Variants in EMC2 observed in about 807,000 individuals in gnomAD.
The protein encoded by EMC2 is TPR repeat protein 35.
EMC2 carries 37 observed loss-of-function variants against 51.6 expected under a neutral mutation model. The observed-to-expected ratio is 0.72, with a 90% CI of 0.55 to 0.94. The LOEUF is 0.94. EMC2 is among the 40% of genes least tolerant of loss of function. The probability of loss-of-function intolerance (pLI) is 0.00; values close to 1 mark genes in which losing one functional copy is unlikely to be tolerated. For missense variants in EMC2, 359 were observed against 350.9 expected (o/e 1.02, Z -0.18); for synonymous variants, 131 against 112.4 (o/e 1.17, Z -1.04).
In EMC2 at chr8:108,453,061, G is replaced by A; in HGVS notation, c.220-1G>A. 4 of 1,579,452 alleles carry A rather than the reference G, an allele frequency of 2.5e-6. No individual in the cohort carries two copies. Among genetic ancestry groups the A allele is most frequent in the Non-Finnish European group, 3.4e-6 (4 of 1,160,918 alleles). On this transcript the variant is annotated splice_acceptor_variant, in intron 3 of 10. Transcript: ENST00000220853. LOFTEE classifies it high-confidence loss of function. ...TTACTACTCAACCCTTATTTTTTCA[G>A]TTTTGTCTTCAAGAGCTGAGAAGAC...
intron 6 of EMC2, 24 bp from the exon 7 acceptor site, chr8:108,470,038 T>C (rs779543482): frequency 3.3e-5 from 53 of 1,599,754 alleles, no homozygotes; most frequent in Non-Finnish European, 3.9e-5. Flanking sequence ...ACACACTTAC[T>C]TTTTTTTCTT....
chr8:108,449,133 G>C (rs1180157334), intron 1 of EMC2, among the ~76,000 whole-genome samples: 1 of 152,086 alleles, frequency 6.6e-6, no homozygotes, highest in Admixed American at 6.5e-5. Context: ...ACCTTTAAGA[G>C]ACAGGGGTCT....
At chr8:108,448,732 A>C (rs1818940004) in intron 1 of EMC2, among the ~76,000 whole-genome samples, 1 of 151,804 alleles carries the variant, frequency 6.6e-6, no homozygotes, top group Non-Finnish European at 1.5e-5. Flanking sequence ...TAATACAACC[A>C]GTTTCTTTTC....
intron 3 of EMC2, among the ~76,000 whole-genome samples, chr8:108,451,523 A>AGT (rs1331229404): frequency 6.6e-6 from 1 of 152,192 alleles, no homozygotes; most frequent in Non-Finnish European, 1.5e-5. Flanking sequence ...AAAAAAATTC[A>AGT]CATCTGAATT....
intron 5 of EMC2, among the ~76,000 whole-genome samples, chr8:108,467,959 G>C (rs1810762079): frequency 6.6e-6 from 1 of 152,190 alleles, no homozygotes; most frequent in South Asian, 2.1e-4. Context: ...TTATATTGAT[G>C]CTTGAAGATA....
chr8:108,486,430 C>T lies in EMC2; in HGVS notation c.808-82C>T, dbSNP rs370491821. 4.3e-4 allele frequency: 619 copies of T among 1,425,752 alleles called. 1 individual carries two copies. The African/African-American group carries it at 8.4e-3, about 19-fold the overall frequency. 88.3% of individuals were successfully genotyped at this position (1,425,752 alleles called of 1,614,324 possible). On this transcript the variant is annotated intron_variant, in intron 10 of 10. Transcript: ENST00000220853. ...TGATAAAATAGTCAATGTTAAGTTTCATTAACAGTGTGAAGATTGTCATTT... is the reference window on the plus strand; with the variant it reads ...TGATAAAATAGTCAATGTTAAGTTTTATTAACAGTGTGAAGATTGTCATTT...
chr8:108,462,222 T>TGTGTGTGTGTGTGTGTGTGTGC lies in EMC2; in HGVS notation c.363+6300_363+6301insGTGTGTGTGTGTGCGTGTGTGT, dbSNP rs71303986. On this transcript the variant is annotated intron_variant, in intron 5 of 10. Transcript: ENST00000220853. ...TGCATGTGTGTGTGTTTTGTGTGCG[T>TGTGTGTGTGTGTGTGTGTGTGC]GTGTGTGTATTCCTCTGACAGGGAG... Among the ~76,000 whole-genome samples, 79 of 151,660 alleles carry TGTGTGTGTGTGTGTGTGTGTGC rather than the reference T, an allele frequency of 5.2e-4. 1 individual carries two copies. Among genetic ancestry groups the TGTGTGTGTGTGTGTGTGTGTGC allele is most frequent in the South Asian group, 2.1e-3 (10 of 4,800 alleles).
chr8:108,471,116 A>C (rs1810847364), intron 7 of EMC2, among the ~76,000 whole-genome samples: 1 of 151,972 alleles, frequency 6.6e-6, no homozygotes, highest in Admixed American at 6.6e-5. Flanking sequence ...TATACTCTGA[A>C]ACAGATATTC....
intron 1 of EMC2, among the ~76,000 whole-genome samples, chr8:108,445,112 A>T (rs1818846661): frequency 6.6e-6 from 1 of 152,218 alleles, no homozygotes; most frequent in African/African-American, 2.4e-5. Context: ...AGACAAGGTG[A>T]TTTAACTGAG....
chr8:108,471,608 T>G (rs899427582), intron 7 of EMC2, among the ~76,000 whole-genome samples: 1 of 151,914 alleles, frequency 6.6e-6, no homozygotes, highest in Non-Finnish European at 1.5e-5. Context: ...TTAGTTATAT[T>G]TTGTTCAAAA....
chr8:108,447,187 A>G (rs1818897073), intron 1 of EMC2, among the ~76,000 whole-genome samples: 1 of 151,966 alleles, frequency 6.6e-6, no homozygotes, highest in South Asian at 2.1e-4. Flanking sequence ...CATTCTGTTC[A>G]TTTTGTTTCA....
intron 5 of EMC2, among the ~76,000 whole-genome samples, chr8:108,466,439 A>G (rs553913639): frequency 1.4e-5 from 2 of 138,798 alleles, no homozygotes; most frequent in South Asian, 2.3e-4. Context: ...AAGCTATGAT[A>G]GAATTTTTTT....
At chr8:108,459,593 GAC>G (rs1166283298) in intron 5 of EMC2, among the ~76,000 whole-genome samples, 2 of 152,080 alleles carry the variant, frequency 1.3e-5, no homozygotes, top group Middle Eastern at 3.2e-3. Context: ...GTGCAGGAAA[GAC>G]ACGCCCCATA....
chr8:108,476,994 T>C (rs1810959468), intron 9 of EMC2, 102 bp downstream of exon 9: 1 of 589,508 alleles, frequency 1.7e-6, no homozygotes, highest in Non-Finnish European at 3.0e-6. Flanking sequence ...TTGTATTTTA[T>C]TGATAAGCAT....
At chr8:108,468,614 C>G (rs1810786291) in intron 5 of EMC2, among the ~76,000 whole-genome samples, 2 of 152,236 alleles carry the variant, frequency 1.3e-5, no homozygotes, top group South Asian at 4.1e-4. Flanking sequence ...AGCCAAATCA[C>G]TCTCTTACCA....
rs6995649 is a variant in EMC2 at position 108,454,428 on chromosome 8, A to G, written c.305+1281A>G. Reference sequence around the variant, plus strand: ...GAGTTTGCAATATATATTTAGAACTATCCAAGTCAACTTTCAAGTAACACT... The same window carrying G: ...GAGTTTGCAATATATATTTAGAACTGTCCAAGTCAACTTTCAAGTAACACT... On this transcript the variant is annotated intron_variant, in intron 4 of 10. Transcript: ENST00000220853. Among the ~76,000 whole-genome samples the G allele has an allele frequency of 7.6e-3, 1,162 of 152,154 alleles. 18 individuals carry two copies. The highest frequency in any genetic ancestry group is 0.026 in the African/African-American group (1,090 of 41,558).
At chr8:108,451,281 C>T (rs1457538780) in intron 3 of EMC2, among the ~76,000 whole-genome samples, 1 of 151,912 alleles carries the variant, frequency 6.6e-6, no homozygotes. Flanking sequence ...TGTTTTTGGA[C>T]TCATGCTAGG....
chr8:108,455,950 TG>T lies in EMC2; in HGVS notation c.363+21del. The T allele has an allele frequency of 1.6e-6, 2 of 1,242,470 alleles. No individual in the cohort carries two copies. Among genetic ancestry groups the T allele is most frequent in the Non-Finnish European group, 2.2e-6 (2 of 907,580 alleles). 77.0% of individuals were successfully genotyped at this position (1,242,470 alleles called of 1,614,324 possible). ...AACACTGTAAGTTGGCAGATTGTCTTGAAAAAAATCTAAAGTTTAATTTAAA... is the reference window on the plus strand; with the variant it reads ...AACACTGTAAGTTGGCAGATTGTCTTAAAAAAATCTAAAGTTTAATTTAAA... On this transcript the variant is annotated intron_variant, in intron 5 of 10. Coordinates refer to ENST00000220853, the MANE Select transcript of EMC2 (RefSeq NM_014673.5).
chr8:108,480,151 T>C (rs1259496083), intron 10 of EMC2, among the ~76,000 whole-genome samples: 1 of 152,142 alleles, frequency 6.6e-6, no homozygotes, highest in African/African-American at 2.4e-5. Context: ...ACAAATATTT[T>C]TTTCTCTGCT....
Sources: gnomAD v4.1 joint callset for allele counts (sites outside exome capture counted in the v4.1 genomes callset) on GRCh38, gnomAD v4.1.1 for gene constraint, MANE v1.5 for transcripts, NCBI Gene and HGNC (gene_info 2026-07-23, HGNC 2026-07-21) for gene names.